Variants in BNC1 observed in about 807,000 individuals in gnomAD.
The protein encoded by BNC1 is zinc finger protein basonuclin-1.
In BNC1, 8 loss-of-function variants were observed where a neutral mutation model predicts 66.5. The observed-to-expected ratio is 0.12, with a 90% CI of 0.07 to 0.22. BNC1 has a LOEUF of 0.22. Among genes scored for constraint, BNC1 ranks in the 10% least tolerant of loss-of-function variants. The pLI is 1.00. For synonymous variants in BNC1, 454 were observed against 452.6 expected, an observed-to-expected ratio of 1.00 and a Z score of -0.04; for missense variants, 1,069 against 1,241.3, an observed-to-expected ratio of 0.86 and a Z score of 2.09.
At chr15:83,273,079 T>C (rs982753538) in intron 1 of BNC1, among the ~76,000 whole-genome samples, 1 of 152,222 alleles carries the variant, frequency 6.6e-6, no homozygotes, top group Non-Finnish European at 1.5e-5. Flanking sequence ...AATAATTTTG[T>C]CTATAATTCA....
At chr15:83,274,381 T>C (rs760738367) in intron 1 of BNC1, among the ~76,000 whole-genome samples, 2 of 152,126 alleles carry the variant, frequency 1.3e-5, no homozygotes, top group African/African-American at 2.4e-5. Flanking sequence ...TGAGACTCCA[T>C]CTCAAAATAA....
chr15:83,258,830 G>A (rs993574409), intron 4 of BNC1, among the ~76,000 whole-genome samples: 1 of 152,180 alleles, frequency 6.6e-6, no homozygotes, highest in East Asian at 1.9e-4. Flanking sequence ...TGGATATACT[G>A]AAGTTAAATG....
At chr15:83,274,972 T>C (rs908141432) in intron 1 of BNC1, among the ~76,000 whole-genome samples, 2 of 152,234 alleles carry the variant, frequency 1.3e-5, no homozygotes, top group Non-Finnish European at 2.9e-5. Context: ...TTAGGTATTA[T>C]CATACACATT....
intron 3 of BNC1, among the ~76,000 whole-genome samples, chr15:83,266,170 A>G (rs1460224054): frequency 1.3e-5 from 2 of 151,990 alleles, no homozygotes; most frequent in Non-Finnish European, 2.9e-5. Context: ...TACTCTGCAA[A>G]ATAAAGAGGA....
At chr15:83,277,167 C>T (rs1276276110) in intron 1 of BNC1, among the ~76,000 whole-genome samples, 5 of 152,190 alleles carry the variant, frequency 3.3e-5, no homozygotes, top group African/African-American at 4.8e-5. Context: ...CTCTACCTCC[C>T]GGGATCAAGG....
chr15:83,278,845 G>A (rs2038351744), intron 1 of BNC1, among the ~76,000 whole-genome samples: 3 of 152,138 alleles, frequency 2.0e-5, no homozygotes, highest in South Asian at 4.1e-4. Flanking sequence ...AGGAGATACA[G>A]GAATGTTTAA....
intron 1 of BNC1, among the ~76,000 whole-genome samples, chr15:83,280,664 A>G (rs996007436): frequency 5.9e-5 from 9 of 152,232 alleles, no homozygotes; most frequent in African/African-American, 2.2e-4. Context: ...TTTTACCTTC[A>G]TAATGAATAA....
intron 1 of BNC1, chr15:83,283,557 C>T: frequency 4.1e-6 from 4 of 970,328 alleles, no homozygotes; most frequent in Non-Finnish European, 4.9e-6. Context: ...GGGGGCTTCC[C>T]GTCCCGGCGC....
intron 1 of BNC1, among the ~76,000 whole-genome samples, chr15:83,272,574 G>A (rs1046698804): frequency 1.3e-5 from 2 of 152,062 alleles, no homozygotes; most frequent in African/African-American, 2.4e-5. Context: ...GGAATTATAT[G>A]AGTAAATTCA....
At chr15:83,277,929 T>C (rs1354231267) in intron 1 of BNC1, among the ~76,000 whole-genome samples, 1 of 152,216 alleles carries the variant, frequency 6.6e-6, no homozygotes, top group Non-Finnish European at 1.5e-5. Flanking sequence ...CTGGATTTTT[T>C]TTTTCTCCTT....
At chr15:83,259,670 G>T (rs2038120204) in intron 4 of BNC1, among the ~76,000 whole-genome samples, 1 of 152,132 alleles carries the variant, frequency 6.6e-6, no homozygotes, top group South Asian at 2.1e-4. Flanking sequence ...TAAAAAGAAA[G>T]ACAAACACTT....
intron 1 of BNC1, 77 bp from the exon 2 acceptor site, chr15:83,268,309 T>C (rs1336427487): frequency 7.7e-7 from 1 of 1,306,484 alleles, no homozygotes; most frequent in Non-Finnish European, 1.1e-6. Flanking sequence ...AAACAAAACA[T>C]ATTCCTCCAT....
chr15:83,284,657 G>A lies in BNC1; in HGVS notation c.-29C>T, dbSNP rs1442301979. The A allele has an allele frequency of 5.2e-6, 5 of 956,516 alleles. No homozygotes were observed. Among genetic ancestry groups the A allele is most frequent in the Non-Finnish European group, 6.2e-6 (5 of 805,050 alleles). The allele number at this position is 956,516 out of a possible 1,614,324, so 59.3% of individuals were successfully genotyped here. A position where few individuals can be genotyped will look rare whatever the true frequency, so the allele number is the denominator to read the frequency against. On this transcript the variant is annotated 5_prime_UTR_variant, in exon 1 of 5. Transcript: ENST00000345382. Reference sequence around the variant, plus strand: ...CGCTCCGGCCGTCGGGGCGCGACCCGGCGAAGTGGGCGGCTCCCCAAGCGC... The same window carrying A: ...CGCTCCGGCCGTCGGGGCGCGACCCAGCGAAGTGGGCGGCTCCCCAAGCGC...
At chr15:83,280,411 T>C (rs1271187451) in intron 1 of BNC1, among the ~76,000 whole-genome samples, 1 of 152,182 alleles carries the variant, frequency 6.6e-6, no homozygotes, top group Non-Finnish European at 1.5e-5. Context: ...TAGCATAATT[T>C]TACCTAAGTT....
intron 1 of BNC1, among the ~76,000 whole-genome samples, chr15:83,284,102 A>G (rs1041337746): frequency 2.8e-5 from 4 of 143,938 alleles, no homozygotes; most frequent in Non-Finnish European, 6.1e-5. Flanking sequence ...GAGGTAAAAG[A>G]AAAAAAAAAA....
chr15:83,280,480 C>T (rs928803217), intron 1 of BNC1, among the ~76,000 whole-genome samples: 2 of 152,122 alleles, frequency 1.3e-5, no homozygotes, highest in African/African-American at 4.8e-5. Flanking sequence ...AAATTGTGAA[C>T]ATTTCTAAGT....
At chr15:83,281,677 G>GC (rs1225832994) in intron 1 of BNC1, among the ~76,000 whole-genome samples, 1 of 152,158 alleles carries the variant, frequency 6.6e-6, no homozygotes, top group Non-Finnish European at 1.5e-5. Context: ...AGACACTTCT[G>GC]CCCCCCACTC....
intron 1 of BNC1, chr15:83,283,498 C>T (rs2038406131): frequency 1.0e-6 from 1 of 985,328 alleles, no homozygotes; most frequent in South Asian, 4.7e-5. Flanking sequence ...CTCGCAGGTC[C>T]CAAGGCCAGG....
rs781606013 is a variant in BNC1 at position 83,264,164 on chromosome 15, C to T, written c.1087G>A (p.Glu363Lys). 6.2e-6 allele frequency: 10 copies of T among 1,614,200 alleles called. No homozygotes were observed. The highest frequency in any genetic ancestry group is 8.5e-6 in the Non-Finnish European group (10 of 1,180,046). ...GTGCCTTTGTCATAGAAGGTCTTCT[C>T]ACATGCAGTGCAGAACACCCGGCCC... ...KKGRVFCTAC[E>K]KTFYDKGTLK... The change falls in exon 4 of 5, where the codon GAG becomes AAG. Residue 363 changes from glutamate to lysine, a missense_variant. Glu to Lys is a moderately conservative substitution (Grantham distance 56, BLOSUM62 1). This residue lies in a region of BNC1 where 82 missense variants were observed against 136.3 expected (regional missense o/e 0.60). Coordinates refer to ENST00000345382, the MANE Select transcript of BNC1 (RefSeq NM_001717.4).
Sources: allele counts gnomAD v4.1 joint callset (sites outside exome capture counted in the v4.1 genomes callset), GRCh38; gene constraint gnomAD v4.1.1; regional missense constraint gnomAD v4.1.1; transcripts MANE v1.5; gene names NCBI Gene and HGNC (gene_info 2026-07-23, HGNC 2026-07-21).